ARHGEF15: variants seen among roughly 807,000 people sequenced by gnomAD.
ARHGEF15 encodes Rho guanine nucleotide exchange factor 15.
In ARHGEF15, 58 loss-of-function variants were observed where a neutral mutation model predicts 79.7. That is an observed-to-expected ratio of 0.73 (90% confidence interval 0.59 to 0.91). The LOEUF (loss-of-function observed/expected upper bound fraction) is 0.91. Among genes scored for constraint, ARHGEF15 ranks in the 40% least tolerant of loss-of-function variants. The probability of loss-of-function intolerance (pLI) is 0.00; values close to 1 mark genes in which losing one functional copy is unlikely to be tolerated. For missense variants in ARHGEF15, 1,012 were observed against 1,108.1 expected (o/e 0.91, Z 1.23); for synonymous variants, 442 against 456.0 (o/e 0.97, Z 0.39).
At position 8,315,885 on chromosome 17, in the gene ARHGEF15, G is replaced by A; in HGVS notation, c.1552G>A (p.Glu518Lys). The A allele has an allele frequency of 6.2e-7, 1 of 1,610,772 alleles. No homozygotes were observed. Among genetic ancestry groups the A allele is most frequent in the Non-Finnish European group, 8.5e-7 (1 of 1,179,984 alleles). ...TTATGTGCGGAACCAGCAGTATCAG[G>A]AGGAGACCTACAGCCGCCTCATGTG... ...VDYVRNQQYQ[E>K]ETYSRLMDTN... Residue 518 changes from glutamate to lysine, a missense_variant, in exon 8 of 16, where the codon GAG becomes AAG. Coordinates refer to ENST00000361926, the MANE Select transcript of ARHGEF15 (RefSeq NM_173728.4). The surrounding 1 kb of genome is among the most constrained non-coding windows in gnomAD (Gnocchi z 4.3).
intron 9 of ARHGEF15, among the ~76,000 whole-genome samples, chr17:8,316,955 G>T (rs1567677920): frequency 6.6e-6 from 1 of 151,954 alleles, no homozygotes; most frequent in African/African-American, 2.4e-5. Context: ...GCTAATTTTT[G>T]TATTATTAGT....
chr17:8,314,495 T>C (rs967585556), intron 4 of ARHGEF15, among the ~76,000 whole-genome samples: 4 of 152,042 alleles, frequency 2.6e-5, no homozygotes, highest in Admixed American at 2.6e-4. Context: ...AGACAATGGT[T>C]GCTACGTGAG....
Position 8,315,908 on chromosome 17 carries a change from G to A in ARHGEF15, c.1574+1G>A. The A allele has an allele frequency of 6.2e-7, 1 of 1,608,638 alleles. No homozygotes were observed. Among genetic ancestry groups the A allele is most frequent in the Non-Finnish European group, 8.5e-7 (1 of 1,179,944 alleles). On this transcript the variant is annotated splice_donor_variant, in intron 8 of 15. Coordinates refer to ENST00000361926, the MANE Select transcript of ARHGEF15 (RefSeq NM_173728.4). LOFTEE classifies it high-confidence loss of function. This position sits in a 1 kb window ranked among gnomAD's most constrained non-coding sequence, Gnocchi z 4.3. ...AGGAGGAGACCTACAGCCGCCTCAT[G>A]TGAGTGTCCCAGGGGTGGGGAGGAA...
chr17:8,318,206 T>C lies in ARHGEF15; in HGVS notation c.1705-181T>C, dbSNP rs1905151021. ...GTGGGTATTAGCCCCATTTTACAGA[T>C]AGGGAAGCTGAGGCTCAGAGAGGTA... On this transcript the variant is annotated intron_variant, in intron 9 of 15. Transcript: ENST00000361926. This position sits in a 1 kb window ranked among gnomAD's most constrained non-coding sequence, Gnocchi z 5.0. 1.6e-6 allele frequency: 1 copy of C among 631,210 alleles called. No homozygotes were observed. Among genetic ancestry groups the C allele is most frequent in the Non-Finnish European group, 2.8e-6 (1 of 351,994 alleles). The allele number at this position is 631,210 out of a possible 1,614,324, so 39.1% of individuals were successfully genotyped here.
rs1904754640 is a variant in ARHGEF15, at chr17:8,313,013, TGAG to T, written c.698_700del (p.Glu233del). ...TCAGATGGGTGCCTGTGGGGGGCTA[TGAG>T]GAGGTCCCCAGGGTCCCCCGTCGGG... On this transcript the variant is annotated inframe_deletion, in exon 3 of 16. Coordinates refer to ENST00000361926, the MANE Select transcript of ARHGEF15 (RefSeq NM_173728.4). 2 of 1,612,738 alleles carry T rather than the reference TGAG, an allele frequency of 1.2e-6. No individual in the cohort carries two copies. Among genetic ancestry groups the T allele is most frequent in the African/African-American group, 2.7e-5 (2 of 74,924 alleles).
In ARHGEF15 at chr17:8,316,062, A is replaced by G. The variant is rs1347288106; in HGVS notation, c.1618A>G (p.Ser540Gly). The part of the protein sequence containing the change: ...RFSAELRRLQ[S>G]LPKCERLPLP... ...CTCCGCCGAGCTGCGCCGGCTGCAG[A>G]GCCTCCCTAAGTGTGAGCGGCTCCC... Residue 540 changes from serine to glycine, a missense_variant, in exon 9 of 16, where the codon AGC becomes GGC. Transcript: ENST00000361926. 1 of 1,603,752 alleles carries G rather than the reference A, an allele frequency of 6.2e-7. No individual in the cohort carries two copies.
At chr17:8,317,716 T>C (rs1905116197) in intron 9 of ARHGEF15, among the ~76,000 whole-genome samples, 1 of 152,178 alleles carries the variant, frequency 6.6e-6, no homozygotes, top group African/African-American at 2.4e-5. Context: ...TAAGCACTCT[T>C]AGCTACTCTG....
At chr17:8,317,313 T>A (rs1905086626) in intron 9 of ARHGEF15, among the ~76,000 whole-genome samples, 1 of 152,170 alleles carries the variant, frequency 6.6e-6, no homozygotes, top group Non-Finnish European at 1.5e-5. Flanking sequence ...TTGGCCAGGC[T>A]GGTCTTGAAC....
In ARHGEF15 at chr17:8,322,360, G is replaced by C. The variant is rs1355241212; in HGVS notation, c.*1367G>C. 1 of 152,380 alleles carries C rather than the reference G, an allele frequency of 6.6e-6. No individual in the cohort carries two copies. Among genetic ancestry groups the C allele is most frequent in the Non-Finnish European group, 1.5e-5 (1 of 68,150 alleles). 9.4% of individuals were successfully genotyped at this position (152,380 alleles called of 1,614,324 possible). A position where few individuals can be genotyped will look rare whatever the true frequency, so the allele number is the denominator to read the frequency against. ...CAGGCACAGCAACTTGCCCAGGACT[G>C]ACACTGTCACCCTGACTGCAGGAGG... On this transcript the variant is annotated 3_prime_UTR_variant, in exon 16 of 16. Coordinates refer to ENST00000361926, the MANE Select transcript of ARHGEF15 (RefSeq NM_173728.4).
chr17:8,318,967 G>A lies in ARHGEF15; in HGVS notation c.2034-40G>A. 1 of 1,609,480 alleles carries A rather than the reference G, an allele frequency of 6.2e-7. No homozygotes were observed. The highest frequency in any genetic ancestry group is 8.5e-7 in the Non-Finnish European group (1 of 1,178,174). The stretch of plus-strand genomic sequence containing the variant: ...GGAGTGGGCAGGAGGGGTCCAGCGG[G>A]ACCCCTGCTGTCCTTCTGAACGACC... On this transcript the variant is annotated intron_variant, in intron 12 of 15. Coordinates refer to ENST00000361926, the MANE Select transcript of ARHGEF15 (RefSeq NM_173728.4). The surrounding 1 kb of genome is among the most constrained non-coding windows in gnomAD (Gnocchi z 5.0).
At chr17:8,320,330 GA>G (rs1241431030) in intron 15 of ARHGEF15, among the ~76,000 whole-genome samples, 3 of 152,068 alleles carry the variant, frequency 2.0e-5, no homozygotes, top group African/African-American at 4.8e-5. Flanking sequence ...GGGTTGGGCA[GA>G]CTGAAATTTT....
chr17:8,319,165 TTG>T lies in ARHGEF15; in HGVS notation c.2186+10_2186+11del, dbSNP rs1196010324. ...CTACTCCAAGCTTCTTCCCTGTGAG[TTG>T]TGTTTCCCTCAGAAAACAACCTTGG... On this transcript the variant is annotated splice_region_variant and intron_variant, in intron 13 of 15. Coordinates refer to ENST00000361926, the MANE Select transcript of ARHGEF15 (RefSeq NM_173728.4). The T allele has an allele frequency of 1.2e-6, 2 of 1,613,242 alleles. No homozygotes were observed. Among genetic ancestry groups the T allele is most frequent in the Admixed American group, 1.7e-5 (1 of 59,928 alleles).
intron 1 of ARHGEF15, 135 bp from the exon 2 acceptor site, chr17:8,311,856 A>C: frequency 1.8e-6 from 1 of 545,278 alleles, no homozygotes; most frequent in Non-Finnish European, 3.2e-6. Flanking sequence ...TGTATCCCGT[A>C]TTGAGTTTTA....
chr17:8,315,472 C>T lies in ARHGEF15; in HGVS notation c.1319C>T (p.Thr440Ile). ...TACCTGCGCTCCCTGCGGCTGCTGACCGACACCTTCGTGCTGAGCCAGGCA... is the reference window on the plus strand; with the variant it reads ...TACCTGCGCTCCCTGCGGCTGCTGATCGACACCTTCGTGCTGAGCCAGGCA... ...ASYLRSLRLL[T>I]DTFVLSQALR... Residue 440 changes from threonine to isoleucine, a missense_variant, in exon 7 of 16, where the codon ACC becomes ATC. By Grantham distance (89) the Thr-to-Ile change is moderately conservative (BLOSUM62 -1). Around this residue, in one of 3 missense-constraint regions of ARHGEF15, gnomAD observed 818 missense variants for 882.5 expected, o/e 0.93. Transcript: ENST00000361926. The surrounding 1 kb of genome is among the most constrained non-coding windows in gnomAD (Gnocchi z 4.3). The T allele has an allele frequency of 6.2e-7, 1 of 1,613,818 alleles. No homozygotes were observed. Among genetic ancestry groups the T allele is most frequent in the Non-Finnish European group, 8.5e-7 (1 of 1,180,028 alleles).
In ARHGEF15 at chr17:8,313,142, C is replaced by T. The variant is rs115119785; in HGVS notation, c.822C>T (p.Leu274=). 1,428 of 1,613,094 alleles carry T rather than the reference C, an allele frequency of 8.9e-4. 12 individuals are homozygous for T. In the African/African-American group the frequency reaches 0.016, roughly 18 times the overall value. The change falls in exon 3 of 16, where the codon CTC becomes CTT. Residue 274 remains leucine, a synonymous_variant. Coordinates refer to ENST00000361926, the MANE Select transcript of ARHGEF15 (RefSeq NM_173728.4). ...TSYRSTAERK[L]LPLLKPPKPT... is the part of the protein sequence containing the mutation. ...ACCGCTCCACTGCTGAGCGCAAACTCCTGCCACTCCTCAAGCCTCCCAAAC... is the reference window on the plus strand; with the variant it reads ...ACCGCTCCACTGCTGAGCGCAAACTTCTGCCACTCCTCAAGCCTCCCAAAC...
chr17:8,320,653 G>A (rs1459891683), intron 15 of ARHGEF15, among the ~76,000 whole-genome samples, 189 bp from the exon 16 acceptor site: 1 of 152,176 alleles, frequency 6.6e-6, no homozygotes, highest in Non-Finnish European at 1.5e-5. Context: ...TGACGGAAGA[G>A]CAGCCCAGAC....
chr17:8,320,461 G>A (rs926937196), intron 15 of ARHGEF15, among the ~76,000 whole-genome samples: 1 of 152,108 alleles, frequency 6.6e-6, no homozygotes, highest in Admixed American at 6.6e-5. Flanking sequence ...CAGTGCAAAG[G>A]CCCTGCGGCT....
chr17:8,311,223 G>A (rs1183001713), intron 1 of ARHGEF15, among the ~76,000 whole-genome samples: 3 of 151,976 alleles, frequency 2.0e-5, no homozygotes, highest in African/African-American at 7.3e-5. Flanking sequence ...CTCCTTCCTC[G>A]AGGGAGGAAG....
At chr17:8,311,963 T>G in intron 1 of ARHGEF15, 28 bp from the exon 2 acceptor site, 2 of 1,420,926 alleles carry the variant, frequency 1.4e-6, no homozygotes, top group South Asian at 1.6e-5. Context: ...GCACTAAGGG[T>G]CTTTCTCTTT....
Sources: gnomAD v4.1 joint callset for allele counts (sites outside exome capture counted in the v4.1 genomes callset) on GRCh38, gnomAD v4.1.1 for gene constraint, gnomAD v4.1.1 regional missense constraint, Gnocchi (gnomAD v3.1) non-coding constraint, MANE v1.5 for transcripts, NCBI Gene and HGNC (gene_info 2026-07-23, HGNC 2026-07-21) for gene names.